RNFT2: variants seen among roughly 807,000 people sequenced by gnomAD.
RNFT2 encodes the protein ring finger protein, transmembrane 2, also known as E3 ubiquitin-protein ligase RNFT2.
In RNFT2, 36 loss-of-function variants were observed where a neutral mutation model predicts 53.0. The ratio of observed to expected loss-of-function variants is 0.68; its 90% CI spans 0.52 to 0.90. The LOEUF is 0.90. RNFT2 is among the 40% of genes least tolerant of loss of function. RNFT2 has a pLI of 0.00. For synonymous variants in RNFT2, 260 were observed against 253.2 expected (o/e 1.03, Z -0.26); for missense variants, 514 against 585.6 (o/e 0.88, Z 1.26).
chr12:116,791,569 C>A (rs1358468910), intron 7 of RNFT2, among the ~76,000 whole-genome samples: 4 of 152,208 alleles, frequency 2.6e-5, no homozygotes, highest in Non-Finnish European at 4.4e-5. Context: ...CTCGGCCTCC[C>A]AAAGTGCTGG....
chr12:116,793,421 C>T (rs904413583), intron 7 of RNFT2, among the ~76,000 whole-genome samples: 1 of 152,074 alleles, frequency 6.6e-6, no homozygotes, highest in Non-Finnish European at 1.5e-5. Flanking sequence ...CTCCTGGGCT[C>T]AAGTGCTCCT....
chr12:116,818,320 C>CA (rs11380244), intron 7 of RNFT2, among the ~76,000 whole-genome samples: 114,787 of 141,138 alleles, frequency 0.81, 46,666 homozygotes, highest in Non-Finnish European at 0.85. Context: ...GGCCCTATCT[C>CA]AAAAAAAAAA....
At chr12:116,785,846 C>T (rs1408445243) in intron 7 of RNFT2, among the ~76,000 whole-genome samples, 1 of 151,946 alleles carries the variant, frequency 6.6e-6, no homozygotes, top group Non-Finnish European at 1.5e-5. Context: ...TTCATGAGTT[C>T]GAGACAAGCC....
chr12:116,835,189 A>G (rs1277965225), intron 8 of RNFT2, among the ~76,000 whole-genome samples: 3 of 152,172 alleles, frequency 2.0e-5, no homozygotes, highest in Non-Finnish European at 4.4e-5. Flanking sequence ...ACTGAGGTTC[A>G]GGGAGGTTAG....
chr12:116,809,981 G>T (rs10850719), intron 7 of RNFT2, among the ~76,000 whole-genome samples: 103,433 of 152,090 alleles, frequency 0.68, 39,692 homozygotes, highest in Non-Finnish European at 0.86. Flanking sequence ...AGGCCAGAAA[G>T]ACCTTCTTAT....
chr12:116,768,185 A>G (rs980254996), intron 6 of RNFT2, among the ~76,000 whole-genome samples: 1 of 145,848 alleles, frequency 6.9e-6, no homozygotes, highest in East Asian at 2.1e-4. Flanking sequence ...ACTGCAACCT[A>G]TGCCTCCCAG....
intron 6 of RNFT2, among the ~76,000 whole-genome samples, chr12:116,772,411 AT>A (rs1440166587): frequency 1.3e-5 from 2 of 152,128 alleles, no homozygotes; most frequent in Non-Finnish European, 2.9e-5. Context: ...GGTTCAAGCG[AT>A]TCTCCTGCCT....
intron 7 of RNFT2, among the ~76,000 whole-genome samples, chr12:116,813,824 GTTCCA>G (rs1875505382): frequency 6.6e-6 from 1 of 152,202 alleles, no homozygotes; most frequent in Non-Finnish European, 1.5e-5. Flanking sequence ...AGTCAAGCAG[GTTCCA>G]TTCCCAGCTC....
intron 7 of RNFT2, among the ~76,000 whole-genome samples, chr12:116,780,553 C>A (rs1394836207): frequency 6.6e-6 from 1 of 152,018 alleles, no homozygotes; most frequent in Non-Finnish European, 1.5e-5. Flanking sequence ...CAGTCTTCAG[C>A]CCCAGGACCC....
At chr12:116,838,922 T>C (rs1877112508) in intron 10 of RNFT2, among the ~76,000 whole-genome samples, 1 of 152,248 alleles carries the variant, frequency 6.6e-6, no homozygotes, top group Non-Finnish European at 1.5e-5. Context: ...GCACACATTT[T>C]AGTCTTGCTC....
intron 5 of RNFT2, among the ~76,000 whole-genome samples, chr12:116,758,765 G>A (rs958486625): frequency 2.6e-5 from 4 of 152,126 alleles, no homozygotes; most frequent in Admixed American, 2.0e-4. Context: ...TAGGTTAGCT[G>A]GTGCTTCTGT....
intron 3 of RNFT2, among the ~76,000 whole-genome samples, chr12:116,743,080 CAAAAAAAAAAAA>C (rs10558117): frequency 6.1e-5 from 3 of 49,416 alleles, no homozygotes; most frequent in Non-Finnish European, 1.0e-4. Context: ...GACCCTATCT[CAAAAAAAAAAAA>C]AAAAAAAAAA....
intron 7 of RNFT2, among the ~76,000 whole-genome samples, chr12:116,820,367 C>A (rs531754254): frequency 3.2e-4 from 49 of 152,334 alleles, no homozygotes; most frequent in Middle Eastern, 6.8e-3. Context: ...TAGGTGTGAG[C>A]CACCATGCCC....
chr12:116,753,450 G>A (rs530695988), intron 4 of RNFT2, among the ~76,000 whole-genome samples: 25 of 152,074 alleles, frequency 1.6e-4, no homozygotes, highest in African/African-American at 6.0e-4. Flanking sequence ...TGCACCCAGC[G>A]GTGAGTTTTT....
At chr12:116,782,116 A>C (rs1873742499) in intron 7 of RNFT2, 1 of 142,860 alleles carries the variant, frequency 7.0e-6, no homozygotes, top group Non-Finnish European at 1.5e-5. Flanking sequence ...TGCCCACTTC[A>C]GCAGCACATA....
intron 6 of RNFT2, among the ~76,000 whole-genome samples, chr12:116,767,873 T>C (rs888506696): frequency 6.6e-6 from 1 of 151,650 alleles, no homozygotes; most frequent in Non-Finnish European, 1.5e-5. Flanking sequence ...CCACTGCCCC[T>C]GGTTTTACAT....
At chr12:116,798,206 A>G (rs1458296758) in intron 7 of RNFT2, among the ~76,000 whole-genome samples, 1 of 150,042 alleles carries the variant, frequency 6.7e-6, no homozygotes, top group African/African-American at 2.5e-5. Context: ...GGCCTGGGAA[A>G]CAGAACGAGA....
intron 10 of RNFT2, among the ~76,000 whole-genome samples, chr12:116,841,958 T>TATAG (rs1274083737): frequency 1.6e-4 from 1 of 6,386 alleles, no homozygotes; most frequent in African/African-American, 6.5e-4. Flanking sequence ...AATATATATA[T>TATAG]AGAGAGAGAG....
At chr12:116,791,797 A>G (rs2137135351) in intron 7 of RNFT2, among the ~76,000 whole-genome samples, 1 of 152,316 alleles carries the variant, frequency 6.6e-6, no homozygotes, top group African/African-American at 2.4e-5. Flanking sequence ...TAGGCAGAGA[A>G]TTCTGGATCA....
Sources: gnomAD v4.1 joint callset for allele counts (sites outside exome capture counted in the v4.1 genomes callset) on GRCh38, gnomAD v4.1.1 for gene constraint, MANE v1.5 for transcripts, NCBI Gene and HGNC (gene_info 2026-07-23, HGNC 2026-07-21) for gene names.